NALF1: variants seen among roughly 807,000 people sequenced by gnomAD.
NALF1 encodes the protein family with sequence similarity 155 member A.
In NALF1, 3 loss-of-function variants were observed where a neutral mutation model predicts 48.4. That is an observed-to-expected ratio of 0.06 (90% CI 0.03 to 0.16). The LOEUF (loss-of-function observed/expected upper bound fraction) is 0.16. Ranked by LOEUF, NALF1 falls within the 10% of genes least tolerant of loss-of-function variation. NALF1 has a pLI of 1.00. For missense variants in NALF1, 526 were observed against 571.5 expected (o/e 0.92, Z 0.81); for synonymous variants, 262 against 245.7 (o/e 1.07, Z -0.62).
intron 1 of NALF1, among the ~76,000 whole-genome samples, chr13:107,375,041 C>T (rs9559029): frequency 0.48 from 72,972 of 152,062 alleles, 18,444 homozygotes; most frequent in East Asian, 0.75. Context: ...ACTGTATAAA[C>T]TGCTCAATTA....
chr13:107,774,696 G>A (rs1877675465), intron 1 of NALF1, among the ~76,000 whole-genome samples: 1 of 152,160 alleles, frequency 6.6e-6, no homozygotes, highest in Non-Finnish European at 1.5e-5. Context: ...AAGCTTCAGT[G>A]CTAGGTAGTG....
chr13:107,371,131 G>T, intron 1 of NALF1, among the ~76,000 whole-genome samples: 1 of 152,164 alleles, frequency 6.6e-6, no homozygotes, highest in East Asian at 1.9e-4. Context: ...CGTGAACCTA[G>T]GAGAAAGTTC....
chr13:107,231,054 C>T (rs867233839), intron 1 of NALF1, among the ~76,000 whole-genome samples: 35 of 101,318 alleles, frequency 3.5e-4, no homozygotes, highest in Middle Eastern at 5.1e-3. Flanking sequence ...GAGCAAGACC[C>T]GGCCAAAAAA....
At chr13:107,703,940 C>T (rs535944100) in intron 1 of NALF1, among the ~76,000 whole-genome samples, 52 of 152,128 alleles carry the variant, frequency 3.4e-4, no homozygotes, top group South Asian at 4.2e-4. Flanking sequence ...TTTTACATGG[C>T]CAAAAGGTTT....
intron 1 of NALF1, among the ~76,000 whole-genome samples, chr13:107,323,065 TG>T (rs763835948): frequency 6.6e-6 from 1 of 152,128 alleles, no homozygotes; most frequent in Non-Finnish European, 1.5e-5. Flanking sequence ...TTTTCATGAA[TG>T]AAGTTTTCTG....
intron 1 of NALF1, among the ~76,000 whole-genome samples, chr13:107,250,629 C>G (rs190107346): frequency 9.3e-4 from 141 of 152,252 alleles, no homozygotes; most frequent in Admixed American, 1.9e-3. Context: ...TATTCTTCAT[C>G]AGTTTCGGCG....
chr13:107,753,635 T>A (rs903246180), intron 1 of NALF1, among the ~76,000 whole-genome samples: 2 of 152,168 alleles, frequency 1.3e-5, no homozygotes, highest in Non-Finnish European at 2.9e-5. Context: ...AAATGAAATA[T>A]TACGGATACA....
chr13:107,735,870 A>C (rs930432860), intron 1 of NALF1, among the ~76,000 whole-genome samples: 2 of 152,180 alleles, frequency 1.3e-5, no homozygotes, highest in Non-Finnish European at 2.9e-5. Context: ...TAAGATACTT[A>C]AGGCAGTCTT....
At chr13:107,556,984 A>G (rs1877500756) in intron 1 of NALF1, among the ~76,000 whole-genome samples, 1 of 152,310 alleles carries the variant, frequency 6.6e-6, no homozygotes, top group African/African-American at 2.4e-5. Context: ...AAATTGTATA[A>G]TGTGATTTTT....
At chr13:107,605,714 T>C (rs148596045) in intron 1 of NALF1, among the ~76,000 whole-genome samples, 10 of 152,336 alleles carry the variant, frequency 6.6e-5, no homozygotes, top group Admixed American at 5.2e-4. Flanking sequence ...TATGGTGCTT[T>C]TCCAAAGAGC....
At chr13:107,674,689 TAA>T (rs1299717401) in intron 1 of NALF1, among the ~76,000 whole-genome samples, 2 of 152,080 alleles carry the variant, frequency 1.3e-5, no homozygotes, top group Non-Finnish European at 2.9e-5. Context: ...ATACACAGAC[TAA>T]GGCAGAGACC....
At chr13:107,432,492 C>CA (rs1360663731) in intron 1 of NALF1, among the ~76,000 whole-genome samples, 2 of 152,148 alleles carry the variant, frequency 1.3e-5, no homozygotes, top group African/African-American at 4.8e-5. Flanking sequence ...AAAAAACTGT[C>CA]AGAGTCTCCA....
intron 1 of NALF1, among the ~76,000 whole-genome samples, chr13:107,566,010 A>C (rs539477851): frequency 5.3e-5 from 8 of 152,232 alleles, no homozygotes; most frequent in Non-Finnish European, 1.0e-4. Flanking sequence ...AGAGATAATT[A>C]TATTTTTCAA....
At chr13:107,823,129 T>C (rs571728271) in intron 1 of NALF1, among the ~76,000 whole-genome samples, 1 of 152,356 alleles carries the variant, frequency 6.6e-6, no homozygotes, top group East Asian at 1.9e-4. Context: ...CTCATCAGTA[T>C]CTACCTCTTT....
chr13:107,653,087 T>C (rs1466105759), intron 1 of NALF1, among the ~76,000 whole-genome samples: 2 of 149,870 alleles, frequency 1.3e-5, no homozygotes, highest in African/African-American at 2.4e-5. Flanking sequence ...GGTATCTTTA[T>C]GTGTTGCTTT....
At chr13:107,292,497 T>TTTTTTTTTTTTTTTTTTTTTTTTTTTTTG (rs1881641896) in intron 1 of NALF1, among the ~76,000 whole-genome samples, 1 of 152,134 alleles carries the variant, frequency 6.6e-6, no homozygotes, top group African/African-American at 2.4e-5. Context: ...TTTTAATTTT[T>TTTTTTTTTTTTTTTTTTTTTTTTTTTTTG]AAACTTTTTG....
chr13:107,616,275 T>C (rs1264768472), intron 1 of NALF1, among the ~76,000 whole-genome samples: 4 of 152,206 alleles, frequency 2.6e-5, no homozygotes, highest in African/African-American at 9.6e-5. Flanking sequence ...GTGGGCATCA[T>C]TCTCTAGCTG....
At chr13:107,864,334 T>A (rs1420316563) in intron 1 of NALF1, among the ~76,000 whole-genome samples, 1 of 152,244 alleles carries the variant, frequency 6.6e-6, no homozygotes, top group Non-Finnish European at 1.5e-5. Flanking sequence ...GAGTTTAATT[T>A]AACTGTCAAA....
At chr13:107,188,269 T>C (rs1879217076) in intron 2 of NALF1, among the ~76,000 whole-genome samples, 1 of 152,198 alleles carries the variant, frequency 6.6e-6, no homozygotes, top group Admixed American at 6.5e-5. Flanking sequence ...AAAAATAACT[T>C]ACAAAAAATT....
Sources: allele counts gnomAD v4.1 joint callset (sites outside exome capture counted in the v4.1 genomes callset), GRCh38; gene constraint gnomAD v4.1.1; transcripts MANE v1.5; gene names NCBI Gene and HGNC (gene_info 2026-07-23, HGNC 2026-07-21).